Variants in ENOX2 observed in about 807,000 individuals in gnomAD.
The protein encoded by ENOX2 is ecto-NOX disulfide-thiol exchanger 2.
Under a neutral mutation model 45.0 loss-of-function variants are expected in ENOX2, and 36 were observed. That is an observed-to-expected ratio of 0.80 (90% confidence interval 0.61 to 1.06). ENOX2 has a LOEUF of 1.06. ENOX2 is among the 50% of genes least tolerant of loss of function. The probability of loss-of-function intolerance (pLI) is 0.00; values close to 1 mark genes in which losing one functional copy is unlikely to be tolerated. For synonymous variants in ENOX2, 174 were observed against 152.3 expected (o/e 1.14, Z -1.05); for missense variants, 423 against 462.5 (o/e 0.91, Z 0.78).
At chrX:130,692,431 T>C (rs2037626611) in intron 4 of ENOX2, among the ~76,000 whole-genome samples, 1 of 112,961 alleles carries the variant, frequency 8.9e-6, no homozygotes, top group Non-Finnish European at 1.9e-5. Context: ...AAGGCCAAGA[T>C]ACTCCTCCAA....
At chrX:130,632,174 A>G (rs974817470) in intron 12 of ENOX2, among the ~76,000 whole-genome samples, 2 of 110,831 alleles carry the variant, frequency 1.8e-5, no homozygotes, top group African/African-American at 3.3e-5. Context: ...CTGACAGTTA[A>G]TCAACTGTTG....
rs144330701 is a variant in ENOX2, at chrX:130,812,562, G to A, written c.-182-28872C>T. On this transcript the variant is annotated intron_variant, in intron 2 of 14. Transcript: ENST00000394363. ...GCAAGAGAGGAAGAAAGGAATAACG[G>A]ATCTGCAAAACAACCAGAAGACAAT... Among the ~76,000 whole-genome samples, 6 of 111,973 alleles carry A rather than the reference G, an allele frequency of 5.4e-5. No homozygotes were observed. The East Asian group carries it at 1.7e-3, about 31-fold the overall frequency.
At chrX:130,681,180 G>A (rs891591616) in intron 5 of ENOX2, among the ~76,000 whole-genome samples, 42 of 112,011 alleles carry the variant, frequency 3.7e-4, no homozygotes, top group Non-Finnish European at 3.8e-5. Flanking sequence ...GTTGTAGTTT[G>A]GGCCAAAATA....
chrX:130,647,811 A>G (rs1419443048), intron 10 of ENOX2, among the ~76,000 whole-genome samples: 6 of 110,690 alleles, frequency 5.4e-5, no homozygotes, highest in Non-Finnish European at 1.1e-4. Context: ...GTCTTCCAAT[A>G]CATTTCTGCA....
chrX:130,735,411 G>T (rs2038836838), intron 3 of ENOX2, among the ~76,000 whole-genome samples: 1 of 111,914 alleles, frequency 8.9e-6, no homozygotes, highest in Non-Finnish European at 1.9e-5. Flanking sequence ...GCTTTAGGTG[G>T]CAAAGCTGTT....
intron 2 of ENOX2, among the ~76,000 whole-genome samples, chrX:130,830,684 T>C (rs983698700): frequency 1.8e-5 from 2 of 111,999 alleles, no homozygotes; most frequent in Non-Finnish European, 3.8e-5. Flanking sequence ...ATTCCAACCA[T>C]CGGTTAAATC....
intron 3 of ENOX2, among the ~76,000 whole-genome samples, chrX:130,738,428 G>A (rs2038909056): frequency 8.9e-6 from 1 of 112,103 alleles, no homozygotes; most frequent in South Asian, 3.7e-4. Flanking sequence ...CAGTGGACAA[G>A]AAATATGGAG....
At chrX:130,832,426 CACACACACACACAT>C (rs900374088) in intron 2 of ENOX2, among the ~76,000 whole-genome samples, 2 of 89,218 alleles carry the variant, frequency 2.2e-5, no homozygotes, top group African/African-American at 1.1e-4. Flanking sequence ...CTTACACACA[CACACACACACACAT>C]ACACACACAC....
In ENOX2 at chrX:130,847,010, C is replaced by G. The variant is rs953238993; in HGVS notation, c.-183+54674G>C. 8.9e-5 allele frequency among the ~76,000 whole-genome samples: 10 copies of G among 111,960 alleles called. 1 individual carries two copies. The Admixed American group carries it at 9.4e-4, about 11-fold the overall frequency. The stretch of plus-strand genomic sequence containing the variant: ...AAGCCCTAAGGCCAAATTCAGGAGG[C>G]TGTAATAAATGAGAAGTAGGAAGTC... On this transcript the variant is annotated intron_variant, in intron 2 of 14. Coordinates refer to ENST00000394363, the MANE Select transcript of ENOX2 (RefSeq NM_006375.4).
At chrX:130,644,705 A>C (rs1239014338) in intron 10 of ENOX2, among the ~76,000 whole-genome samples, 1 of 111,898 alleles carries the variant, frequency 8.9e-6, no homozygotes, top group East Asian at 2.8e-4. Context: ...TTTTTACTGG[A>C]GATAGTAAAA....
At chrX:130,653,583 T>A (rs1381186693) in intron 10 of ENOX2, among the ~76,000 whole-genome samples, 3 of 111,852 alleles carry the variant, frequency 2.7e-5, no homozygotes, top group Non-Finnish European at 3.8e-5. Flanking sequence ...AAGGCCCTGA[T>A]CAATTTTTCA....
chrX:130,867,244 AT>A (rs925675530), intron 2 of ENOX2, among the ~76,000 whole-genome samples: 1 of 111,896 alleles, frequency 8.9e-6, no homozygotes, highest in Non-Finnish European at 1.9e-5. Flanking sequence ...TTTGGTTAAA[AT>A]ATATGAAGAA....
chrX:130,777,495 A>G (rs2039883555), intron 3 of ENOX2, among the ~76,000 whole-genome samples: 1 of 97,212 alleles, frequency 1.0e-5, no homozygotes, highest in Non-Finnish European at 2.1e-5. Flanking sequence ...CTCTCTCTCA[A>G]AAAAAAAAAA....
Position 130,657,089 on chromosome X carries a change from T to C in ENOX2, c.1015-394A>G, listed in dbSNP as rs201721919. On this transcript the variant is annotated intron_variant, in intron 9 of 14. Transcript: ENST00000394363. ...GCTGCTTGCCATTCTCTTCTCTGTC[T>C]TTTTATAGTTTTACTCAACATAACT... is the stretch of plus-strand genomic sequence containing the variant. Among the ~76,000 whole-genome samples the C allele has an allele frequency of 4.5e-5, 5 of 112,185 alleles. No homozygotes were observed. In the East Asian group the frequency reaches 1.4e-3, roughly 31 times the overall value.
At chrX:130,775,152 C>T (rs1266774091) in intron 3 of ENOX2, among the ~76,000 whole-genome samples, 4 of 111,591 alleles carry the variant, frequency 3.6e-5, no homozygotes, top group African/African-American at 9.8e-5. Flanking sequence ...GAGGACAAGG[C>T]GCGTGGATGG....
chrX:130,880,584 C>T (rs539622982), intron 2 of ENOX2, among the ~76,000 whole-genome samples: 1 of 112,087 alleles, frequency 8.9e-6, no homozygotes, highest in East Asian at 2.8e-4. Context: ...GATTTACTCG[C>T]GGAAGAAATG....
rs151035134 is a variant in ENOX2 at position 130,899,797 on chromosome X, T to C, written c.-183+1887A>G. On this transcript the variant is annotated intron_variant, in intron 2 of 14. Coordinates refer to ENST00000394363, the MANE Select transcript of ENOX2 (RefSeq NM_006375.4). ...ACTCGAGTGGTAACTATAGCTTCCA[T>C]TGTAATCTTAATGAACATAGAAACA... Among the ~76,000 whole-genome samples, 38 of 112,197 alleles carry C rather than the reference T, an allele frequency of 3.4e-4. No individual in the cohort carries two copies. The East Asian group carries it at 9.8e-3, about 29-fold the overall frequency.
intron 10 of ENOX2, among the ~76,000 whole-genome samples, chrX:130,654,971 T>C (rs1451923937): frequency 8.9e-6 from 1 of 112,199 alleles, no homozygotes; most frequent in Non-Finnish European, 1.9e-5. Context: ...ATTTATCAAG[T>C]GGATGCTTAA....
chrX:130,810,210 A>G (rs745772095), intron 2 of ENOX2, among the ~76,000 whole-genome samples: 2 of 110,832 alleles, frequency 1.8e-5, no homozygotes, highest in South Asian at 7.9e-4. Flanking sequence ...ACTGCTGGGC[A>G]GGCTCCCATG....
Sources: gnomAD v4.1 joint callset for allele counts (sites outside exome capture counted in the v4.1 genomes callset) on GRCh38, gnomAD v4.1.1 for gene constraint, MANE v1.5 for transcripts, NCBI Gene and HGNC (gene_info 2026-07-23, HGNC 2026-07-21) for gene names.